NYAP2: variants seen among roughly 807,000 people sequenced by gnomAD.
NYAP2 encodes neuronal tyrosine-phosphorylated phosphoinositide-3-kinase adaptor 2.
Under a neutral mutation model 50.4 loss-of-function variants are expected in NYAP2, and 23 were observed. The ratio of observed to expected loss-of-function variants is 0.46; its 90% CI spans 0.33 to 0.65. The LOEUF (loss-of-function observed/expected upper bound fraction) is 0.65, where lower values mean the gene tolerates loss of function less well. NYAP2 is among the 30% of genes least tolerant of loss of function. NYAP2 has a pLI of 0.02. For synonymous variants in NYAP2, 394 were observed against 365.2 expected, an observed-to-expected ratio of 1.08 and a Z score of -0.90; for missense variants, 885 against 861.0, an observed-to-expected ratio of 1.03 and a Z score of -0.35.
chr2:225,550,000 T>A lies in NYAP2; in HGVS notation c.524-31941T>A, dbSNP rs557209004. On this transcript the variant is annotated intron_variant, in intron 4 of 6. Transcript: ENST00000636099. ...ACTCTGTCTCAAAAAAATAAATAAA[T>A]AAATAAATAAAAAATAGAGAGAGAG... 2.0e-4 allele frequency among the ~76,000 whole-genome samples: 28 copies of A among 141,424 alleles called. No homozygotes were observed. The East Asian group carries it at 4.3e-3, about 22-fold the overall frequency. 92.8% of individuals were successfully genotyped at this position (141,424 alleles called of 152,430 possible).
chr2:225,476,121 A>T (rs991556239), intron 3 of NYAP2, among the ~76,000 whole-genome samples: 1 of 152,186 alleles, frequency 6.6e-6, no homozygotes, highest in African/African-American at 2.4e-5. Flanking sequence ...AAGTCTAAAA[A>T]AATTTTTACT....
chr2:225,693,742 G>T, the NYAP2 span, among the ~76,000 whole-genome samples: 2 of 151,924 alleles, frequency 1.3e-5, no homozygotes, highest in Non-Finnish European at 2.9e-5. Flanking sequence ...ACCTTGAGGA[G>T]GTCCCACCTC....
chr2:225,453,844 T>C (rs1689692007), intron 3 of NYAP2, among the ~76,000 whole-genome samples: 5 of 150,664 alleles, frequency 3.3e-5, no homozygotes, highest in African/African-American at 1.2e-4. Flanking sequence ...ATTTTTTTTT[T>C]TTTTTTTTTT....
At chr2:225,538,602 G>T (rs1379082040) in intron 4 of NYAP2, among the ~76,000 whole-genome samples, 7 of 152,106 alleles carry the variant, frequency 4.6e-5, no homozygotes, top group African/African-American at 1.4e-4. Flanking sequence ...TTTCCTCCTA[G>T]GCCTCTAGGC....
chr2:225,656,476 C>G (rs531004130), downstream of NYAP2, among the ~76,000 whole-genome samples: 258 of 152,288 alleles, frequency 1.7e-3, 1 homozygote, highest in Non-Finnish European at 3.2e-3. Context: ...GCTTGACGAC[C>G]TTGCAGGAGA....
In NYAP2 at chr2:225,474,967, G is replaced by A. The variant is rs1188811512; in HGVS notation, c.222-38404G>A. 2.0e-5 allele frequency among the ~76,000 whole-genome samples: 3 copies of A among 152,134 alleles called. 1 individual carries two copies. The highest frequency in any genetic ancestry group is 7.2e-5 in the African/African-American group (3 of 41,436). On this transcript the variant is annotated intron_variant, in intron 3 of 6. Transcript: ENST00000636099. ...ATGTACAAGTGTGAGACTTTGTACA[G>A]CTATAAAAGCATCTGTATTTGTTTG...
chr2:225,603,472 T>C (rs1365561889), intron 5 of NYAP2, among the ~76,000 whole-genome samples: 1 of 152,120 alleles, frequency 6.6e-6, no homozygotes, highest in African/African-American at 2.4e-5. Context: ...TTACTTTTAT[T>C]TTTATTTTGA....
intron 3 of NYAP2, among the ~76,000 whole-genome samples, chr2:225,425,223 T>C (rs1695269610): frequency 6.6e-6 from 1 of 152,168 alleles, no homozygotes; most frequent in Non-Finnish European, 1.5e-5. Context: ...TGCATTCCTA[T>C]AAAAGGTACA....
chr2:225,441,619 GGAGA>G (rs1159993414), intron 3 of NYAP2, among the ~76,000 whole-genome samples: 1 of 152,282 alleles, frequency 6.6e-6, no homozygotes, highest in South Asian at 2.1e-4. Context: ...AAAGGCGGCA[GGAGA>G]GAGAGAGTGT....
At chr2:225,529,870 G>A (rs1386174838) in intron 4 of NYAP2, among the ~76,000 whole-genome samples, 3 of 151,992 alleles carry the variant, frequency 2.0e-5, no homozygotes, top group Admixed American at 1.3e-4. Flanking sequence ...ACCACACCTG[G>A]CTAATTTTTT....
intron 6 of NYAP2, among the ~76,000 whole-genome samples, chr2:225,641,482 A>ATT (rs68154554): frequency 0.032 from 4,369 of 136,484 alleles, 286 homozygotes; most frequent in African/African-American, 0.11. Context: ...CACACACACA[A>ATT]TTTTTTTTTT....
At chr2:225,640,482 A>C (rs1269744139) in intron 6 of NYAP2, among the ~76,000 whole-genome samples, 3 of 152,198 alleles carry the variant, frequency 2.0e-5, no homozygotes, top group Non-Finnish European at 4.4e-5. Flanking sequence ...CTGTGATCTC[A>C]GTTGGTTTTA....
intron 3 of NYAP2, among the ~76,000 whole-genome samples, chr2:225,469,195 T>C (rs922155743): frequency 6.6e-6 from 1 of 152,084 alleles, no homozygotes; most frequent in Non-Finnish European, 1.5e-5. Flanking sequence ...CATCAAAAAG[T>C]GGGCAAAGGA....
intron 6 of NYAP2, among the ~76,000 whole-genome samples, chr2:225,630,013 A>G (rs911283251): frequency 2.0e-5 from 3 of 152,198 alleles, no homozygotes; most frequent in Non-Finnish European, 1.5e-5. Context: ...TAGATAAATA[A>G]TATTTGCTTG....
At chr2:225,473,448 C>A (rs1690048070) in intron 3 of NYAP2, among the ~76,000 whole-genome samples, 1 of 152,330 alleles carries the variant, frequency 6.6e-6, no homozygotes. Context: ...GTTCTTATTT[C>A]TCCACATCCT....
At chr2:225,463,174 G>T (rs6748465) in intron 3 of NYAP2, among the ~76,000 whole-genome samples, 8,169 of 152,316 alleles carry the variant, frequency 0.054, 258 homozygotes, top group Middle Eastern at 0.11. Flanking sequence ...GCTTACACCT[G>T]CATTGCATCA....
At chr2:225,590,916 G>A (rs1241582944) in intron 5 of NYAP2, among the ~76,000 whole-genome samples, 4 of 152,182 alleles carry the variant, frequency 2.6e-5, no homozygotes, top group Non-Finnish European at 4.4e-5. Context: ...TAGCTGTGCC[G>A]AGTGTGTGCC....
At chr2:225,626,806 G>A (rs527661098) in intron 5 of NYAP2, 111 bp from the exon 6 acceptor site, 2 of 817,488 alleles carry the variant, frequency 2.4e-6, no homozygotes, top group East Asian at 5.3e-5. Context: ...CCAAGTCTGA[G>A]TTTCCAACAA....
chr2:225,574,670 A>T (rs1263573656), intron 4 of NYAP2, among the ~76,000 whole-genome samples: 2 of 151,980 alleles, frequency 1.3e-5, no homozygotes, highest in African/African-American at 4.8e-5. Context: ...TATGAATGAG[A>T]TCATACTACA....
Sources: gnomAD v4.1 joint callset for allele counts (sites outside exome capture counted in the v4.1 genomes callset) on GRCh38, gnomAD v4.1.1 for gene constraint, MANE v1.5 for transcripts, NCBI Gene and HGNC (gene_info 2026-07-23, HGNC 2026-07-21) for gene names.